Variants in GRID2 observed in about 807,000 individuals in gnomAD.
The protein encoded by GRID2 is glutamate receptor ionotropic, delta-2.
Under a neutral mutation model 114.8 loss-of-function variants are expected in GRID2, and 33 were observed. That is an observed-to-expected ratio of 0.29 (90% CI 0.22 to 0.38). The LOEUF (loss-of-function observed/expected upper bound fraction) is 0.38. Among genes scored for constraint, GRID2 ranks in the 10% least tolerant of loss-of-function variants. GRID2 has a pLI of 1.00. For missense variants in GRID2, 1,184 were observed against 1,257.7 expected, an observed-to-expected ratio of 0.94 and a Z score of 0.89; for synonymous variants, 505 against 449.9, an observed-to-expected ratio of 1.12 and a Z score of -1.55.
intron 8 of GRID2, among the ~76,000 whole-genome samples, chr4:93,298,773 G>A (rs1754572516): frequency 6.6e-6 from 1 of 152,138 alleles, no homozygotes. Flanking sequence ...ATGTACCTTT[G>A]CTTTGCAGCA....
intron 10 of GRID2, among the ~76,000 whole-genome samples, chr4:93,447,410 A>G (rs1722191276): frequency 6.6e-6 from 1 of 152,042 alleles, no homozygotes. Flanking sequence ...AAAGATATAA[A>G]ACAAAAACAA....
intron 8 of GRID2, among the ~76,000 whole-genome samples, chr4:93,316,305 A>AAAGC (rs1560490505): frequency 1.6e-5 from 2 of 121,898 alleles, no homozygotes; most frequent in Non-Finnish European, 3.4e-5. Context: ...AGAAAGAAAG[A>AAAGC]AAGAAAGAAA....
chr4:93,084,105 T>G (rs1170374282), intron 2 of GRID2, among the ~76,000 whole-genome samples: 1 of 151,562 alleles, frequency 6.6e-6, no homozygotes, highest in East Asian at 1.9e-4. Flanking sequence ...TTTTCATTGA[T>G]TTCTTCACTG....
Position 93,672,188 on chromosome 4 carries a change from C to G in GRID2, c.2360+45753C>G, listed in dbSNP as rs147460472. Among the ~76,000 whole-genome samples, 69 of 152,292 alleles carry G rather than the reference C, an allele frequency of 4.5e-4. No homozygotes were observed. The East Asian group carries it at 0.012, about 26-fold the overall frequency. On this transcript the variant is annotated intron_variant, in intron 14 of 15. Coordinates refer to ENST00000282020, the MANE Select transcript of GRID2 (RefSeq NM_001510.4). ...CTCTTCTAGATCATTCCCCAGGTGT[C>G]CAGACCCCATAATTCCCTGCTCAAA...
intron 2 of GRID2, among the ~76,000 whole-genome samples, chr4:92,861,170 G>C (rs565986776): frequency 5.5e-4 from 84 of 151,898 alleles, no homozygotes; most frequent in Non-Finnish European, 1.0e-3. Flanking sequence ...TCTATTGCTG[G>C]TAACAAATTA....
At chr4:93,180,649 G>A (rs1345407844) in intron 4 of GRID2, among the ~76,000 whole-genome samples, 1 of 152,076 alleles carries the variant, frequency 6.6e-6, no homozygotes, top group African/African-American at 2.4e-5. Flanking sequence ...TATCAATTAA[G>A]TTGATGGAAT....
At chr4:93,075,111 A>G (rs1729140641) in intron 2 of GRID2, among the ~76,000 whole-genome samples, 1 of 152,232 alleles carries the variant, frequency 6.6e-6, no homozygotes, top group South Asian at 2.1e-4. Context: ...TAACCCATTT[A>G]CTGAAGCCAG....
Position 93,256,227 on chromosome 4 carries a change from T to C in GRID2, c.1245+17737T>C, listed in dbSNP as rs1317823759. 2.6e-5 allele frequency among the ~76,000 whole-genome samples: 4 copies of C among 152,190 alleles called. No homozygotes were observed. The East Asian group carries it at 7.7e-4, about 29-fold the overall frequency. On this transcript the variant is annotated intron_variant, in intron 8 of 15. Coordinates refer to ENST00000282020, the MANE Select transcript of GRID2 (RefSeq NM_001510.4). The stretch of plus-strand genomic sequence containing the variant: ...AAGGCTTTCCTTTTCTTTTTTTGAA[T>C]GGCAACCATGTTTTAACTTACTGAG...
intron 13 of GRID2, among the ~76,000 whole-genome samples, chr4:93,549,224 A>G (rs187639204): frequency 7.0e-4 from 107 of 152,340 alleles, no homozygotes; most frequent in Non-Finnish European, 1.2e-3. Context: ...GGAAAAATGA[A>G]AGAGTCAAAA....
intron 2 of GRID2, among the ~76,000 whole-genome samples, chr4:93,009,720 G>T (rs145009234): frequency 1.3e-5 from 2 of 152,034 alleles, no homozygotes; most frequent in African/African-American, 4.8e-5. Flanking sequence ...TAGAAGTGGA[G>T]ACCTTGGTTT....
At chr4:92,835,033 G>T (rs1364073891) in intron 2 of GRID2, among the ~76,000 whole-genome samples, 11 of 152,050 alleles carry the variant, frequency 7.2e-5, no homozygotes, top group Non-Finnish European at 1.2e-4. Context: ...AACAAAGATT[G>T]AAACAGCTTT....
chr4:92,451,661 T>C (rs1009705778), intron 1 of GRID2, among the ~76,000 whole-genome samples: 1 of 152,208 alleles, frequency 6.6e-6, no homozygotes, highest in Non-Finnish European at 1.5e-5. Context: ...ACCAATGATA[T>C]GCATGAGTGC....
At chr4:93,189,531 C>T (rs2149445420) in intron 4 of GRID2, among the ~76,000 whole-genome samples, 1 of 152,284 alleles carries the variant, frequency 6.6e-6, no homozygotes, top group African/African-American at 2.4e-5. Flanking sequence ...GGGATACAAA[C>T]ATTCAGATCA....
At position 93,521,804 on chromosome 4, in the gene GRID2, C is replaced by A. The variant is rs137924196; in HGVS notation, c.2193+6393C>A. On this transcript the variant is annotated intron_variant, in intron 13 of 15. Transcript: ENST00000282020. ...ACAGAGAGCCAAGTGATAAAATCTT[C>A]AAGCCACGTTGGAGGAGTGACACTG... 4.5e-3 allele frequency among the ~76,000 whole-genome samples: 683 copies of A among 152,160 alleles called. 5 individuals are homozygous for A. The highest frequency in any genetic ancestry group is 0.015 in the African/African-American group (624 of 41,510).
chr4:92,738,021 T>C (rs752357042), intron 2 of GRID2, among the ~76,000 whole-genome samples: 18 of 152,156 alleles, frequency 1.2e-4, no homozygotes, highest in Non-Finnish European at 2.1e-4. Context: ...AGGAAAGGTT[T>C]TTGCACATTT....
intron 1 of GRID2, among the ~76,000 whole-genome samples, chr4:92,498,992 G>C (rs568851864): frequency 4.6e-4 from 68 of 148,832 alleles, no homozygotes; most frequent in African/African-American, 1.6e-3. Flanking sequence ...TTTGTGACCT[G>C]AATAAAAAGA....
rs181731771 is a variant in GRID2, at chr4:92,830,239, C to A, written c.244+239953C>A. Among the ~76,000 whole-genome samples, 31 of 150,906 alleles carry A rather than the reference C, an allele frequency of 2.1e-4. No homozygotes were observed. In the East Asian group the frequency reaches 4.1e-3, roughly 20 times the overall value. Reference sequence around the variant, plus strand: ...ACAGAAAATGAACTGAGGCTAAGAACAATAAATTATTTCTCCAAGATCATG... The same window carrying A: ...ACAGAAAATGAACTGAGGCTAAGAAAAATAAATTATTTCTCCAAGATCATG... On this transcript the variant is annotated intron_variant, in intron 2 of 15. Coordinates refer to ENST00000282020, the MANE Select transcript of GRID2 (RefSeq NM_001510.4).
chr4:93,516,523 C>A (rs1729748736), intron 13 of GRID2, among the ~76,000 whole-genome samples: 1 of 152,080 alleles, frequency 6.6e-6, no homozygotes, highest in Non-Finnish European at 1.5e-5. Context: ...TTAGCAATGG[C>A]CTCTATCCTC....
intron 9 of GRID2, among the ~76,000 whole-genome samples, chr4:93,420,913 C>A (rs186720632): frequency 0.027 from 4,117 of 152,082 alleles, 186 homozygotes; most frequent in African/African-American, 0.094. Context: ...GCCACCACAC[C>A]CAGCTACTTT....
Sources: gnomAD v4.1 joint callset for allele counts (sites outside exome capture counted in the v4.1 genomes callset) on GRCh38, gnomAD v4.1.1 for gene constraint, MANE v1.5 for transcripts, NCBI Gene and HGNC (gene_info 2026-07-23, HGNC 2026-07-21) for gene names.